ANKRD16: variants seen among roughly 807,000 people sequenced by gnomAD.
The protein encoded by ANKRD16 is ankyrin repeat domain 16, also known as ankyrin repeat domain-containing protein 16.
In ANKRD16, 35 loss-of-function variants were observed where a neutral mutation model predicts 37.9. The ratio of observed to expected loss-of-function variants is 0.92; its 90% CI spans 0.71 to 1.23. The LOEUF is 1.23. Ranked by LOEUF, ANKRD16 falls within the 50% of genes most tolerant of loss-of-function variation. The pLI, the probability that ANKRD16 is intolerant of heterozygous loss-of-function variation, is 0.00. For synonymous variants in ANKRD16, 206 were observed against 197.2 expected (o/e 1.04, Z -0.37); for missense variants, 480 against 469.9 (o/e 1.02, Z -0.20).
At position 5,865,726 on chromosome 10, in the gene ANKRD16, C is replaced by G. The variant is rs909453890; in HGVS notation, c.*34-3035G>C. On this transcript the variant is annotated intron_variant, in intron 7 of 7. Coordinates refer to ENST00000380094, the MANE Select transcript of ANKRD16 (RefSeq NM_019046.3). This position sits in a 1 kb window ranked among gnomAD's most constrained non-coding sequence, Gnocchi z 4.7. ...CCCTTATTAGGGAGGGACATATTAG[C>G]CAAAGCTGGAGCTATTATCTACATG... Among the ~76,000 whole-genome samples the G allele has an allele frequency of 6.6e-6, 1 of 152,192 alleles. No individual in the cohort carries two copies. Among genetic ancestry groups the G allele is most frequent in the Non-Finnish European group, 1.5e-5 (1 of 68,036 alleles).
chr10:5,876,120 G>C (rs933409219), intron 7 of ANKRD16, among the ~76,000 whole-genome samples: 1 of 152,166 alleles, frequency 6.6e-6, no homozygotes, highest in African/African-American at 2.4e-5. Context: ...CTGACCTCAG[G>C]TGATCCACCC....
chr10:5,873,912 G>A (rs1425918671), intron 7 of ANKRD16, among the ~76,000 whole-genome samples: 1 of 119,414 alleles, frequency 8.4e-6, no homozygotes, highest in South Asian at 2.9e-4. Context: ...TTTTTTTTTT[G>A]AGACGGCGTC....
intron 7 of ANKRD16, among the ~76,000 whole-genome samples, chr10:5,873,305 C>G (rs1842133822): frequency 1.3e-5 from 2 of 150,450 alleles, no homozygotes; most frequent in African/African-American, 4.9e-5. Flanking sequence ...GCTGGGATAA[C>G]AGGCATGAGC....
rs781550380 is a variant in ANKRD16 at position 5,862,715 on chromosome 10, T to A, written c.*34-24A>T. The A allele has an allele frequency of 1.9e-5, 24 of 1,284,544 alleles. No homozygotes were observed. Among genetic ancestry groups the A allele is most frequent in the South Asian group, 3.7e-5 (3 of 80,936 alleles). 79.6% of individuals were successfully genotyped at this position (1,284,544 alleles called of 1,614,324 possible). A position where few individuals can be genotyped will look rare whatever the true frequency, so the allele number is the denominator to read the frequency against. On this transcript the variant is annotated intron_variant, in intron 7 of 7. Coordinates refer to ENST00000380094, the MANE Select transcript of ANKRD16 (RefSeq NM_019046.3). This position sits in a 1 kb window ranked among gnomAD's most constrained non-coding sequence, Gnocchi z 6.5. ...CTCTGTGAAGAAAGAGTTATTATCATCTCAGTTTACAGATGAAACAGAAGC... is the reference window on the plus strand; with the variant it reads ...CTCTGTGAAGAAAGAGTTATTATCAACTCAGTTTACAGATGAAACAGAAGC...
chr10:5,869,420 T>G lies in ANKRD16; in HGVS notation c.*34-6729A>C, dbSNP rs548780419. On this transcript the variant is annotated intron_variant, in intron 7 of 7. Coordinates refer to ENST00000380094, the MANE Select transcript of ANKRD16 (RefSeq NM_019046.3). This position sits in a 1 kb window ranked among gnomAD's most constrained non-coding sequence, Gnocchi z 4.0. ...CTCTCTGGGGCTGCCCAGCCACCTG[T>G]GTCCAGCAAGGTGGGGGCCTGAGAA... Among the ~76,000 whole-genome samples the G allele has an allele frequency of 1.3e-5, 2 of 152,208 alleles. No individual in the cohort carries two copies. Among genetic ancestry groups the G allele is most frequent in the African/African-American group, 4.8e-5 (2 of 41,450 alleles).
rs1056220865 is a variant in ANKRD16, at chr10:5,871,402, T to TA, written c.*33+6694dup. On this transcript the variant is annotated intron_variant, in intron 7 of 7. Coordinates refer to ENST00000380094, the MANE Select transcript of ANKRD16 (RefSeq NM_019046.3). This position sits in a 1 kb window ranked among gnomAD's most constrained non-coding sequence, Gnocchi z 4.5. The stretch of plus-strand genomic sequence containing the variant: ...ACTCCAACTCAAATAAATAAATAAA[T>TA]AAATAAATAAATAAATAAATAAATA... Among the ~76,000 whole-genome samples the TA allele has an allele frequency of 7.3e-5, 11 of 150,678 alleles. No individual in the cohort carries two copies. The highest frequency in any genetic ancestry group is 2.7e-4 in the African/African-American group (11 of 40,942).
At position 5,874,729 on chromosome 10, in the gene ANKRD16, G is replaced by A. The variant is rs143210514; in HGVS notation, c.*33+3368C>T. Among the ~76,000 whole-genome samples the A allele has an allele frequency of 8.8e-4, 134 of 152,284 alleles. No individual in the cohort carries two copies. Among genetic ancestry groups the A allele is most frequent in the Middle Eastern group, 3.4e-3 (1 of 294 alleles). On this transcript the variant is annotated intron_variant, in intron 7 of 7. Coordinates refer to ENST00000380094, the MANE Select transcript of ANKRD16 (RefSeq NM_019046.3). The surrounding 1 kb of genome is among the most constrained non-coding windows in gnomAD (Gnocchi z 4.7). The stretch of plus-strand genomic sequence containing the variant: ...TCAGAACATCCATGCAGAAACGTAA[G>A]CAGGCAGTGGAAAGTAAGGGCTAGA...
rs191887171 is a variant in ANKRD16, at chr10:5,885,499, G to A, written c.578+224C>T. On this transcript the variant is annotated intron_variant, in intron 3 of 7. Coordinates refer to ENST00000380094, the MANE Select transcript of ANKRD16 (RefSeq NM_019046.3). ...GCACTAAATGAATGTATAAATGCTC[G>A]TTGAAAAAAATAGAGAAATGGATGA... is the stretch of plus-strand genomic sequence containing the variant. 2.5e-4 allele frequency among the ~76,000 whole-genome samples: 38 copies of A among 151,996 alleles called. No homozygotes were observed. In the East Asian group the frequency reaches 6.0e-3, roughly 24 times the overall value.
At chr10:5,887,503 CT>C (rs1272493558) in intron 2 of ANKRD16, among the ~76,000 whole-genome samples, 1 of 152,032 alleles carries the variant, frequency 6.6e-6, no homozygotes, top group African/African-American at 2.4e-5. Context: ...GACTCTGGAG[CT>C]CCCCAGTAGC....
rs938789291 is a variant in ANKRD16 at position 5,865,769 on chromosome 10, A to G, written c.*34-3078T>C. Among the ~76,000 whole-genome samples the G allele has an allele frequency of 6.6e-6, 1 of 152,204 alleles. No individual in the cohort carries two copies. The highest frequency in any genetic ancestry group is 1.9e-4 in the East Asian group (1 of 5,206). The stretch of plus-strand genomic sequence containing the variant: ...TCTACATGAATATGGGGAACGAGTT[A>G]CTGATTTGTTGTCCCCTGCTTGAGG... On this transcript the variant is annotated intron_variant, in intron 7 of 7. Coordinates refer to ENST00000380094, the MANE Select transcript of ANKRD16 (RefSeq NM_019046.3). The surrounding 1 kb of genome is among the most constrained non-coding windows in gnomAD (Gnocchi z 4.7).
rs949579380 is a variant in ANKRD16 at position 5,863,193 on chromosome 10, G to A, written c.*34-502C>T. Among the ~76,000 whole-genome samples the A allele has an allele frequency of 2.0e-5, 3 of 152,166 alleles. No individual in the cohort carries two copies. The highest frequency in any genetic ancestry group is 7.2e-5 in the African/African-American group (3 of 41,520). On this transcript the variant is annotated intron_variant, in intron 7 of 7. Coordinates refer to ENST00000380094, the MANE Select transcript of ANKRD16 (RefSeq NM_019046.3). The surrounding 1 kb of genome is among the most constrained non-coding windows in gnomAD (Gnocchi z 4.7). ...CATGCAGATCCCACAGGAGAGGGAA[G>A]GGGGAGCTGCTCTCAATTCAGATCA...
Position 5,870,504 on chromosome 10 carries a change from AG to A in ANKRD16, c.*33+7592del, listed in dbSNP as rs1172465888. Among the ~76,000 whole-genome samples, 1 of 151,888 alleles carries A rather than the reference AG, an allele frequency of 6.6e-6. No individual in the cohort carries two copies. Among genetic ancestry groups the A allele is most frequent in the African/African-American group, 2.4e-5 (1 of 41,330 alleles). ...CTGCAGCCTTGACCTCCTGGGCTCA[AG>A]GAATTCTCCCACCTCAGCTTCCTTG... On this transcript the variant is annotated intron_variant, in intron 7 of 7. Coordinates refer to ENST00000380094, the MANE Select transcript of ANKRD16 (RefSeq NM_019046.3). This position sits in a 1 kb window ranked among gnomAD's most constrained non-coding sequence, Gnocchi z 5.0.
intron 3 of ANKRD16, among the ~76,000 whole-genome samples, chr10:5,885,426 C>T (rs1230878225): frequency 2.0e-5 from 3 of 152,248 alleles, no homozygotes; most frequent in African/African-American, 7.2e-5. Context: ...TTGTGATCCG[C>T]CCGCCTCGGC....
In ANKRD16 at chr10:5,868,415, T is replaced by C. The variant is rs114393703; in HGVS notation, c.*34-5724A>G. On this transcript the variant is annotated intron_variant, in intron 7 of 7. Transcript: ENST00000380094. The surrounding 1 kb of genome is among the most constrained non-coding windows in gnomAD (Gnocchi z 4.9). ...TCCGTTTAGAGGGTGGGTTGAGAGG[T>C]GAAGCCAGCTGGATTTCCTGGATCA... Among the ~76,000 whole-genome samples the C allele has an allele frequency of 7.6e-3, 1,159 of 152,274 alleles. 13 individuals carry two copies. Among genetic ancestry groups the C allele is most frequent in the African/African-American group, 0.027 (1,109 of 41,548 alleles).
At position 5,872,757 on chromosome 10, in the gene ANKRD16, C is replaced by T. The variant is rs140869655; in HGVS notation, c.*33+5340G>A. 2.0e-3 allele frequency among the ~76,000 whole-genome samples: 297 copies of T among 151,970 alleles called. 6 individuals carry two copies. In the East Asian group the frequency reaches 0.036, roughly 19 times the overall value. The stretch of plus-strand genomic sequence containing the variant: ...ATTTTTAGTAGAGACGGGATTTCAC[C>T]GTGTTAGCCAAGATGGTCTTAATTT... On this transcript the variant is annotated intron_variant, in intron 7 of 7. Transcript: ENST00000380094.
Position 5,874,177 on chromosome 10 carries a change from T to C in ANKRD16, c.*33+3920A>G, listed in dbSNP as rs628219. On this transcript the variant is annotated intron_variant, in intron 7 of 7. Coordinates refer to ENST00000380094, the MANE Select transcript of ANKRD16 (RefSeq NM_019046.3). The surrounding 1 kb of genome is among the most constrained non-coding windows in gnomAD (Gnocchi z 4.7). ...ATACTGGGACTACAGGTGTAAGCCA[T>C]CGTGCCTGGGCGAGACTTCTGCTTT... 0.88 allele frequency among the ~76,000 whole-genome samples: 134,254 copies of C among 152,206 alleles called. 59,295 individuals carry two copies. The highest frequency in any genetic ancestry group is 0.91 in the African/African-American group (37,780 of 41,542).
In ANKRD16 at chr10:5,868,270, G is replaced by T. The variant is rs935958153; in HGVS notation, c.*34-5579C>A. On this transcript the variant is annotated intron_variant, in intron 7 of 7. Transcript: ENST00000380094. This position sits in a 1 kb window ranked among gnomAD's most constrained non-coding sequence, Gnocchi z 4.9. ...CCCTGGACCAAACTGCTGGCCCTTT[G>T]ACTGGCCTAAAGAGTTCCCCTCTAG... Among the ~76,000 whole-genome samples, 1 of 152,158 alleles carries T rather than the reference G, an allele frequency of 6.6e-6. No individual in the cohort carries two copies. The highest frequency in any genetic ancestry group is 1.5e-5 in the Non-Finnish European group (1 of 68,032).
At chr10:5,887,706 C>CCCCCCCCCCCCG in intron 2 of ANKRD16, 141 bp downstream of exon 2, 1 of 186,344 alleles carries the variant, frequency 5.4e-6, no homozygotes, top group South Asian at 1.1e-4. Flanking sequence ...CCCCCTCCCC[C>CCCCCCCCCCCCG]CCAGATGTTC....
rs1419004149 is a variant in ANKRD16 at position 5,885,751 on chromosome 10, A to C, written c.550T>G (p.Leu184Val). ...PLHTAAMHGH[L>V]EAVKVLLKRC... ...TTAAGAAGCACCTTGACTGCCTCCAAATGGCCATGCATTGCTGGGAGGAGA... is the reference window on the plus strand; with the variant it reads ...TTAAGAAGCACCTTGACTGCCTCCACATGGCCATGCATTGCTGGGAGGAGA... Residue 184 changes from leucine to valine, a missense_variant, in exon 3 of 8, where the codon TTG (leucine) becomes GTG (valine). Leu to Val is a conservative substitution (Grantham distance 32). Coordinates refer to ENST00000380094, the MANE Select transcript of ANKRD16 (RefSeq NM_019046.3). The C allele has an allele frequency of 6.2e-7, 1 of 1,606,438 alleles. No individual in the cohort carries two copies. Among genetic ancestry groups the C allele is most frequent in the South Asian group, 1.1e-5 (1 of 88,766 alleles).
Sources: allele counts gnomAD v4.1 joint callset (sites outside exome capture counted in the v4.1 genomes callset), GRCh38; gene constraint gnomAD v4.1.1; non-coding constraint Gnocchi (gnomAD v3.1); transcripts MANE v1.5; gene names NCBI Gene and HGNC (gene_info 2026-07-23, HGNC 2026-07-21).